Variants in RNF180 observed in about 807,000 individuals in gnomAD.
The protein encoded by RNF180 is ring finger protein 180, also known as E3 ubiquitin-protein ligase RNF180.
RNF180 carries 38 observed loss-of-function variants against 59.2 expected under a neutral mutation model. That is an observed-to-expected ratio of 0.64 (90% CI 0.50 to 0.84). The LOEUF is 0.84. Among genes scored for constraint, RNF180 ranks in the 40% least tolerant of loss-of-function variants. RNF180 has a pLI of 0.00. For synonymous variants in RNF180, 262 were observed against 240.3 expected (o/e 1.09, Z -0.84); for missense variants, 705 against 700.9 (o/e 1.01, Z -0.07).
At chr5:64,325,631 A>T (rs982022005) in intron 6 of RNF180, among the ~76,000 whole-genome samples, 4 of 152,316 alleles carry the variant, frequency 2.6e-5, no homozygotes, top group African/African-American at 9.6e-5. Context: ...GATCCTTTCT[A>T]AAACACTGTA....
Position 64,330,395 on chromosome 5 carries a change from A to G in RNF180, c.1568A>G (p.His523Arg). Reference protein sequence around the residue: ...WPLPSCRKAFHLFGGFRRHAA... With the variant: ...WPLPSCRKAFRLFGGFRRHAA... ...CTACCAAGCTGCAGAAAAGCATTTCATCTTTTTGGAGGTAAGGAAATCTAA... is the reference window on the plus strand; with the variant it reads ...CTACCAAGCTGCAGAAAAGCATTTCGTCTTTTTGGAGGTAAGGAAATCTAA... Residue 523 changes from histidine (H) to arginine (R), a missense_variant, in exon 7 of 8, where the codon CAT becomes CGT. Physicochemically the swap from His to Arg is conservative, Grantham distance 29. Coordinates refer to ENST00000389100, the MANE Select transcript of RNF180 (RefSeq NM_001113561.2). 1.3e-6 allele frequency: 2 copies of G among 1,537,116 alleles called. No individual in the cohort carries two copies. The highest frequency in any genetic ancestry group is 1.7e-6 in the Non-Finnish European group (2 of 1,143,884).
intron 1 of RNF180, among the ~76,000 whole-genome samples, chr5:64,168,332 C>T (rs994804578): frequency 2.6e-5 from 4 of 152,054 alleles, no homozygotes; most frequent in African/African-American, 9.7e-5. Flanking sequence ...CTGATGGCTA[C>T]GAAGGCAGTT....
intron 5 of RNF180, among the ~76,000 whole-genome samples, chr5:64,257,010 T>C (rs1032365846): frequency 5.3e-5 from 8 of 152,194 alleles, no homozygotes; most frequent in Admixed American, 1.3e-4. Context: ...GTTTGTCTGT[T>C]ATTGGTGTAT....
chr5:64,308,952 C>G (rs1322016999), intron 5 of RNF180, among the ~76,000 whole-genome samples: 2 of 151,700 alleles, frequency 1.3e-5, no homozygotes, highest in African/African-American at 2.4e-5. Flanking sequence ...CTGTAACTCT[C>G]TCTTATCCAT....
At chr5:64,317,649 C>G (rs904120430) in intron 5 of RNF180, among the ~76,000 whole-genome samples, 9 of 144,330 alleles carry the variant, frequency 6.2e-5, no homozygotes, top group South Asian at 2.2e-4. Flanking sequence ...CACACACACA[C>G]AGTAGTCCTG....
Position 64,283,942 on chromosome 5 carries a change from C to A in RNF180, c.1228-41244C>A, listed in dbSNP as rs115780506. 7.1e-3 allele frequency among the ~76,000 whole-genome samples: 1,075 copies of A among 152,176 alleles called. 13 individuals carry two copies. The highest frequency in any genetic ancestry group is 0.023 in the African/African-American group (955 of 41,496). On this transcript the variant is annotated intron_variant, in intron 5 of 7. Coordinates refer to ENST00000389100, the MANE Select transcript of RNF180 (RefSeq NM_001113561.2). ...TTATGCAAGCTTGATTCTGTAGTTC[C>A]TTCATAATATCAATGGTTTATGTAC... is the stretch of plus-strand genomic sequence containing the variant.
chr5:64,260,389 G>C (rs1265432698), intron 5 of RNF180, among the ~76,000 whole-genome samples: 6 of 152,048 alleles, frequency 3.9e-5, no homozygotes, highest in Admixed American at 2.0e-4. Context: ...AGAGTTATTT[G>C]TAAAAGAATA....
chr5:64,279,533 C>T (rs1327844051), intron 5 of RNF180, among the ~76,000 whole-genome samples: 2 of 151,924 alleles, frequency 1.3e-5, no homozygotes, highest in African/African-American at 2.4e-5. Flanking sequence ...AAATGATGAT[C>T]TTATTTTAAA....
intron 5 of RNF180, among the ~76,000 whole-genome samples, 195 bp from the exon 6 acceptor site, chr5:64,324,991 A>G (rs1744562271): frequency 1.3e-5 from 2 of 152,186 alleles, no homozygotes; most frequent in African/African-American, 2.4e-5. Flanking sequence ...AATACTAAAA[A>G]GAAAAATAGG....
chr5:64,219,605 C>T (rs957922038), intron 5 of RNF180, among the ~76,000 whole-genome samples: 10 of 152,084 alleles, frequency 6.6e-5, no homozygotes, highest in African/African-American at 2.4e-4. Flanking sequence ...ACCCCTGCCT[C>T]CCAGGTTCAA....
chr5:64,364,389 C>T (rs1460835292), intron 7 of RNF180, among the ~76,000 whole-genome samples: 3 of 151,658 alleles, frequency 2.0e-5, no homozygotes, highest in Non-Finnish European at 3.0e-5. Flanking sequence ...GATCCACATA[C>T]ATTGAACTAC....
intron 7 of RNF180, among the ~76,000 whole-genome samples, chr5:64,366,645 T>G (rs1044095255): frequency 2.0e-5 from 3 of 151,436 alleles, no homozygotes; most frequent in Admixed American, 6.6e-5. Context: ...TGTCAGAACT[T>G]TAAGACAGGT....
chr5:64,265,559 G>C (rs994857064), intron 5 of RNF180, among the ~76,000 whole-genome samples: 2 of 152,074 alleles, frequency 1.3e-5, no homozygotes, highest in Non-Finnish European at 2.9e-5. Flanking sequence ...TTACTTCTGA[G>C]GCCTGTGTTC....
rs1160628822 is a variant in RNF180, at chr5:64,369,743, A to G, written c.1708A>G (p.Ile570Val). ...WFDMDMVIIY[I>V]YSVNWVIGFI... ...TGACATGGATATGGTGATCATATAT[A>G]TTTATTCAGTGAACTGGGTCATTGG... The change falls in exon 8 of 8, where the codon ATT (isoleucine) becomes GTT (valine). Residue 570 changes from isoleucine (I) to valine (V), a missense_variant. Ile to Val is a conservative substitution (Grantham distance 29). Transcript: ENST00000389100. 3 of 1,541,706 alleles carry G rather than the reference A, an allele frequency of 1.9e-6. No individual in the cohort carries two copies. The highest frequency in any genetic ancestry group is 4.9e-5 in the East Asian group (2 of 40,560).
At chr5:64,351,058 AT>A (rs1323730452) in intron 7 of RNF180, among the ~76,000 whole-genome samples, 1 of 151,872 alleles carries the variant, frequency 6.6e-6, no homozygotes, top group Non-Finnish European at 1.5e-5. Context: ...ATGTTCTTCC[AT>A]TTGTTTGTGT....
At chr5:64,322,962 C>T (rs1744448961) in intron 5 of RNF180, among the ~76,000 whole-genome samples, 1 of 151,786 alleles carries the variant, frequency 6.6e-6, no homozygotes, top group Non-Finnish European at 1.5e-5. Flanking sequence ...ACCACCTGTT[C>T]CCCCAAAACC....
chr5:64,284,147 G>A (rs147288964), intron 5 of RNF180, among the ~76,000 whole-genome samples: 27 of 152,242 alleles, frequency 1.8e-4, no homozygotes, highest in Middle Eastern at 3.4e-3. Context: ...ATTCTAGATC[G>A]GAATTTCTTT....
intron 1 of RNF180, among the ~76,000 whole-genome samples, chr5:64,167,318 T>A (rs1321776367): frequency 2.0e-5 from 3 of 152,190 alleles, no homozygotes; most frequent in Non-Finnish European, 4.4e-5. Context: ...CGTGTTATGT[T>A]GTACTTTATC....
chr5:64,170,511 G>A (rs1365665109), intron 1 of RNF180, among the ~76,000 whole-genome samples: 1 of 152,168 alleles, frequency 6.6e-6, no homozygotes, highest in African/African-American at 2.4e-5. Context: ...TGGCAGGACA[G>A]ATCCAACACT....
Sources: allele counts gnomAD v4.1 joint callset (sites outside exome capture counted in the v4.1 genomes callset), GRCh38; gene constraint gnomAD v4.1.1; transcripts MANE v1.5; gene names NCBI Gene and HGNC (gene_info 2026-07-23, HGNC 2026-07-21).